Variants in LMO7 observed in about 807,000 individuals in gnomAD.
LMO7 encodes the protein LIM domain only protein 7.
In LMO7, 120 loss-of-function variants were observed where a neutral mutation model predicts 206.5. The ratio of observed to expected loss-of-function variants is 0.58; its 90% confidence interval spans 0.50 to 0.68. The LOEUF is 0.68. Ranked by LOEUF, LMO7 falls within the 30% of genes least tolerant of loss-of-function variation. The pLI, the probability that LMO7 is intolerant of heterozygous loss-of-function variation, is 0.00. For synonymous variants in LMO7, 706 were observed against 681.5 expected (o/e 1.04, Z -0.56); for missense variants, 1,959 against 1,957.9 (o/e 1.00, Z -0.01).
chr13:75,641,574 T>A (rs941689231), intron 1 of LMO7, among the ~76,000 whole-genome samples: 7 of 152,160 alleles, frequency 4.6e-5, no homozygotes, highest in Non-Finnish European at 1.5e-5. Flanking sequence ...TGATTTCTAG[T>A]ACTATGGATT....
At chr13:75,824,201 C>T (rs2057889575) in intron 15 of LMO7, among the ~76,000 whole-genome samples, 1 of 152,128 alleles carries the variant, frequency 6.6e-6, no homozygotes, top group African/African-American at 2.4e-5. Flanking sequence ...TCAGGTACAG[C>T]AGTCACTTTA....
chr13:75,793,433 G>A (rs944681915), intron 4 of LMO7, among the ~76,000 whole-genome samples: 1 of 152,058 alleles, frequency 6.6e-6, no homozygotes, highest in African/African-American at 2.4e-5. Context: ...CCACCACCAC[G>A]CCTGGCTAAT....
intron 1 of LMO7, among the ~76,000 whole-genome samples, chr13:75,672,103 C>T (rs2039635117): frequency 6.6e-6 from 1 of 152,070 alleles, no homozygotes; most frequent in Admixed American, 6.5e-5. Context: ...TGTTCAAGTT[C>T]CTTATATAAG....
At chr13:75,686,526 C>CTTTTTT (rs3036372) in intron 1 of LMO7, among the ~76,000 whole-genome samples, 1 of 135,856 alleles carries the variant, frequency 7.4e-6, no homozygotes, top group African/African-American at 2.7e-5. Flanking sequence ...CCTATCTTAC[C>CTTTTTT]TTTTTTTTTT....
chr13:75,632,862 G>GTTTTTTTTTTTTTTTTTTTTTTTTT (rs10690832), upstream of LMO7, among the ~76,000 whole-genome samples: 550 of 102,116 alleles, frequency 5.4e-3, 70 homozygotes, highest in Non-Finnish European at 7.9e-3. Context: ...TTACTTAAAA[G>GTTTTTTTTTTTTTTTTTTTTTTTTT]TTTTTTTTTT....
intron 1 of LMO7, among the ~76,000 whole-genome samples, chr13:75,670,274 A>G (rs79832423): frequency 6.6e-6 from 1 of 152,188 alleles, no homozygotes; most frequent in Admixed American, 6.5e-5. Context: ...TTAAAGTTGC[A>G]GAACATCTAT....
chr13:75,735,835 CTTA>C (rs975193402), intron 3 of LMO7, among the ~76,000 whole-genome samples: 22 of 151,676 alleles, frequency 1.5e-4, no homozygotes, highest in African/African-American at 2.4e-4. Flanking sequence ...TATAAAATAA[CTTA>C]TTATTATATA....
intron 3 of LMO7, among the ~76,000 whole-genome samples, chr13:75,728,374 GTGA>G (rs2044702597): frequency 1.3e-5 from 2 of 152,210 alleles, no homozygotes; most frequent in Non-Finnish European, 2.9e-5. Flanking sequence ...GTGATGGCCA[GTGA>G]TGATGAGTAT....
chr13:75,705,830 T>C (rs2137975409), intron 1 of LMO7, among the ~76,000 whole-genome samples: 1 of 152,306 alleles, frequency 6.6e-6, no homozygotes, highest in East Asian at 1.9e-4. Context: ...CACTATGTTT[T>C]GAGATGGTTT....
At chr13:75,816,411 C>G (rs2138180509) in intron 11 of LMO7, among the ~76,000 whole-genome samples, 1 of 152,318 alleles carries the variant, frequency 6.6e-6, no homozygotes, top group East Asian at 1.9e-4. Flanking sequence ...GTATAGTTTA[C>G]CTGGCTCTTT....
At chr13:75,854,780 AG>A (rs2060784409) in intron 28 of LMO7, among the ~76,000 whole-genome samples, 1 of 152,196 alleles carries the variant, frequency 6.6e-6, no homozygotes, top group Non-Finnish European at 1.5e-5. Flanking sequence ...TGGGTGATCA[AG>A]AAAGAGGGCG....
chr13:75,627,002 G>A (rs992281234), intron 2 of LMO7: 37 of 152,188 alleles, frequency 2.4e-4, no homozygotes, highest in African/African-American at 8.4e-4. Flanking sequence ...GAATGAAGGG[G>A]TTATTATAAA....
At chr13:75,746,835 T>C (rs771350196) in intron 3 of LMO7, among the ~76,000 whole-genome samples, 6 of 152,158 alleles carry the variant, frequency 3.9e-5, no homozygotes, top group Admixed American at 1.3e-4. Flanking sequence ...GTGGACCAGA[T>C]AACACCTTCT....
chr13:75,622,912 A>G (rs1378563459), intron 1 of LMO7, among the ~76,000 whole-genome samples: 1 of 152,238 alleles, frequency 6.6e-6, no homozygotes, highest in Non-Finnish European at 1.5e-5. Context: ...AGAATTTTGC[A>G]GGCACAAAAT....
intron 18 of LMO7, 34 bp from the exon 19 acceptor site, chr13:75,836,363 A>G: frequency 8.3e-7 from 1 of 1,208,418 alleles, no homozygotes; most frequent in South Asian, 1.4e-5. Flanking sequence ...GTCCAACTGG[A>G]GAGAATATTA....
chr13:75,623,669 T>TA (rs879825134), intron 2 of LMO7, among the ~76,000 whole-genome samples: 250 of 145,434 alleles, frequency 1.7e-3, no homozygotes, highest in East Asian at 6.2e-3. Context: ...GACCAAGCAT[T>TA]AAAAAAAAAA....
At chr13:75,640,849 T>C (rs2036466476) in intron 1 of LMO7, among the ~76,000 whole-genome samples, 1 of 152,246 alleles carries the variant, frequency 6.6e-6, no homozygotes, top group Non-Finnish European at 1.5e-5. Flanking sequence ...ACAGGATGTG[T>C]CTTCATCTGC....
rs150635147 is a variant in LMO7, at chr13:75,849,544, C to T, written c.4364+252C>T. ...GGAACTTTGACTCAAGCAGGCAAGA[C>T]GCTGACAAAATCACATGGTTAATAG... On this transcript the variant is annotated intron_variant, in intron 27 of 30. Coordinates refer to ENST00000377534, the MANE Select transcript of LMO7 (RefSeq NM_001306080.2). 8.4e-3 allele frequency among the ~76,000 whole-genome samples: 1,253 copies of T among 149,258 alleles called. 8 individuals carry two copies. The highest frequency in any genetic ancestry group is 0.013 in the Non-Finnish European group (886 of 67,578).
chr13:75,691,255 C>A (rs1287290758), intron 1 of LMO7, among the ~76,000 whole-genome samples: 1 of 152,168 alleles, frequency 6.6e-6, no homozygotes, highest in East Asian at 1.9e-4. Context: ...GTTTATAGAC[C>A]AATGACCTAA....
Sources: allele counts gnomAD v4.1 joint callset (sites outside exome capture counted in the v4.1 genomes callset), GRCh38; gene constraint gnomAD v4.1.1; transcripts MANE v1.5; gene names NCBI Gene and HGNC (gene_info 2026-07-23, HGNC 2026-07-21).